TBC1D1: variants seen among roughly 807,000 people sequenced by gnomAD.
TBC1D1 encodes TBC1 domain family member 1.
In TBC1D1, 89 loss-of-function variants were observed where a neutral mutation model predicts 125.6. The ratio of observed to expected loss-of-function variants is 0.71; its 90% confidence interval spans 0.60 to 0.85. TBC1D1 has a LOEUF of 0.85. TBC1D1 is among the 40% of genes least tolerant of loss of function. The probability of loss-of-function intolerance (pLI) is 0.00; values close to 1 mark genes in which losing one functional copy is unlikely to be tolerated. For synonymous variants in TBC1D1, 565 were observed against 564.1 expected, an observed-to-expected ratio of 1.00 and a Z score of -0.02; for missense variants, 1,377 against 1,469.2, an observed-to-expected ratio of 0.94 and a Z score of 1.03.
intron 2 of TBC1D1, among the ~76,000 whole-genome samples, chr4:37,926,307 T>A (rs1722101087): frequency 8.5e-6 from 1 of 116,978 alleles, no homozygotes; most frequent in African/African-American, 3.0e-5. Flanking sequence ...GTCAGGTTGC[T>A]GTGGCTGCTC....
At chr4:38,084,840 T>G (rs1438050828) in intron 12 of TBC1D1, among the ~76,000 whole-genome samples, 2 of 152,284 alleles carry the variant, frequency 1.3e-5, no homozygotes, top group African/African-American at 4.8e-5. Context: ...TAAGGATCTG[T>G]CTACTCGTTT....
chr4:38,081,539 ACTTT>A (rs1756556584), intron 12 of TBC1D1, among the ~76,000 whole-genome samples: 1 of 152,124 alleles, frequency 6.6e-6, no homozygotes, highest in South Asian at 2.1e-4. Context: ...CAGTAAATCA[ACTTT>A]CTTTTTTATC....
At chr4:38,089,889 T>G (rs771649440) in intron 12 of TBC1D1, 43 bp from the exon 15 acceptor site, 2 of 1,525,700 alleles carry the variant, frequency 1.3e-6, no homozygotes, top group South Asian at 2.6e-5. Flanking sequence ...TGTGCATTTT[T>G]TGTTGAAAAA....
intron 2 of TBC1D1, among the ~76,000 whole-genome samples, chr4:38,010,152 A>C (rs1741165160): frequency 6.6e-6 from 1 of 152,220 alleles, no homozygotes; most frequent in Non-Finnish European, 1.5e-5. Flanking sequence ...GACATTTTTC[A>C]GTTAGGCATG....
At chr4:37,954,747 T>G (rs558461665) in intron 2 of TBC1D1, among the ~76,000 whole-genome samples, 2 of 151,478 alleles carry the variant, frequency 1.3e-5, no homozygotes, top group African/African-American at 4.9e-5. Flanking sequence ...ATACTGTATG[T>G]GGGCGATGAA....
intron 11 of TBC1D1, among the ~76,000 whole-genome samples, chr4:38,052,718 G>A (rs895977148): frequency 1.0e-4 from 6 of 57,358 alleles, no homozygotes; most frequent in African/African-American, 3.5e-4. Context: ...ACACACGCGC[G>A]CGCGCGCGCG....
intron 11 of TBC1D1, 101 bp from the exon 12 acceptor site, chr4:38,051,798 C>T (rs1195922604): frequency 3.7e-5 from 43 of 1,169,592 alleles, no homozygotes; most frequent in Non-Finnish European, 4.6e-5. Flanking sequence ...ACTGGAACAA[C>T]GAGACAAAAG....
intron 4 of TBC1D1, 38 bp from the exon 5 acceptor site, chr4:38,020,552 CT>C: frequency 6.5e-7 from 1 of 1,548,930 alleles, no homozygotes; most frequent in South Asian, 1.1e-5. Flanking sequence ...GGTGCGTCTT[CT>C]GGATACAACT....
At position 38,014,348 on chromosome 4, in the gene TBC1D1, A is replaced by G. The variant is rs368036510; in HGVS notation, c.418-161A>G. Among the ~76,000 whole-genome samples the G allele has an allele frequency of 4.4e-4, 67 of 152,272 alleles. 2 individuals carry two copies. In the East Asian group the frequency reaches 6.6e-3, roughly 15 times the overall value. On this transcript the variant is annotated intron_variant, in intron 2 of 19. Coordinates refer to ENST00000261439, the MANE Select transcript of TBC1D1 (RefSeq NM_015173.4). The surrounding 1 kb of genome is among the most constrained non-coding windows in gnomAD (Gnocchi z 5.1). ...GTGTGTTCACCTCCCATGGGAAGAC[A>G]TTCCTAGTCCCCTCCCGTGGGCTCC...
chr4:38,031,867 G>A (rs1746210552), intron 7 of TBC1D1, among the ~76,000 whole-genome samples: 1 of 152,128 alleles, frequency 6.6e-6, no homozygotes, highest in Non-Finnish European at 1.5e-5. Context: ...AACTAATTTA[G>A]TTTTGTTACT....
intron 12 of TBC1D1, among the ~76,000 whole-genome samples, chr4:38,058,158 C>T (rs1374111827): frequency 1.3e-5 from 2 of 152,346 alleles, no homozygotes; most frequent in African/African-American, 2.4e-5. Context: ...TAATAGTTAG[C>T]AGTGGGACTG....
chr4:37,958,393 T>A (rs1268503909), intron 2 of TBC1D1, among the ~76,000 whole-genome samples: 1 of 152,260 alleles, frequency 6.6e-6, no homozygotes, highest in East Asian at 1.9e-4. Flanking sequence ...GATGGTGTAC[T>A]CTATTTTCCA....
chr4:38,117,895 G>A lies in TBC1D1; in HGVS notation c.2803-138G>A, dbSNP rs911191959. The A allele has an allele frequency of 6.3e-6, 5 of 788,812 alleles. No individual in the cohort carries two copies. The East Asian group carries it at 9.9e-5, about 16-fold the overall frequency. 48.9% of individuals were successfully genotyped at this position (788,812 alleles called of 1,614,324 possible). On this transcript the variant is annotated intron_variant, in intron 16 of 19. Coordinates refer to ENST00000261439, the MANE Select transcript of TBC1D1 (RefSeq NM_015173.4). The stretch of plus-strand genomic sequence containing the variant: ...ACTTGTTGGATGAATTAGTAGCTGA[G>A]CTCAGTGGATCGCAAGCCAAATCGA...
chr4:37,931,046 T>C (rs551242316), intron 2 of TBC1D1, among the ~76,000 whole-genome samples: 25 of 152,310 alleles, frequency 1.6e-4, no homozygotes, highest in African/African-American at 6.0e-4. Context: ...GTCTCCTGTA[T>C]GCCATTTACC....
intron 1 of TBC1D1, among the ~76,000 whole-genome samples, chr4:37,892,191 A>C (rs1390183733): frequency 6.6e-6 from 1 of 152,192 alleles, no homozygotes; most frequent in Non-Finnish European, 1.5e-5. Context: ...GAGCATTTAA[A>C]AATGACCTGG....
chr4:38,074,443 G>A (rs1036700204), intron 12 of TBC1D1, among the ~76,000 whole-genome samples: 2 of 152,172 alleles, frequency 1.3e-5, no homozygotes, highest in African/African-American at 4.8e-5. Flanking sequence ...AGGCTTGGAA[G>A]GATCGATTTC....
chr4:38,106,424 G>C (rs928603463), intron 15 of TBC1D1, among the ~76,000 whole-genome samples: 3 of 152,230 alleles, frequency 2.0e-5, no homozygotes, highest in Non-Finnish European at 4.4e-5. Context: ...CAATGCCTTG[G>C]TGGAGCTGGG....
chr4:37,917,810 T>C (rs192686501), intron 2 of TBC1D1, among the ~76,000 whole-genome samples: 27 of 152,350 alleles, frequency 1.8e-4, no homozygotes, highest in African/African-American at 6.5e-4. Flanking sequence ...TTCATGATCA[T>C]TTAGATTTTT....
At chr4:37,980,028 C>T (rs933522977) in intron 2 of TBC1D1, among the ~76,000 whole-genome samples, 2 of 152,232 alleles carry the variant, frequency 1.3e-5, no homozygotes, top group South Asian at 2.1e-4. Context: ...ATCCACCTGC[C>T]TCGGCCTCCC....
Sources: allele counts gnomAD v4.1 joint callset (sites outside exome capture counted in the v4.1 genomes callset), GRCh38; gene constraint gnomAD v4.1.1; non-coding constraint Gnocchi (gnomAD v3.1); transcripts MANE v1.5; gene names NCBI Gene and HGNC (gene_info 2026-07-23, HGNC 2026-07-21).